The following LTBP3 variants were observed in gnomAD, a reference collection of about 807,000 sequenced individuals.
LTBP3 encodes the protein latent-transforming growth factor beta-binding protein 3.
Under a neutral mutation model 159.7 loss-of-function variants are expected in LTBP3, and 97 were observed. That is an observed-to-expected ratio of 0.61 (90% confidence interval 0.52 to 0.72). LTBP3 has a LOEUF of 0.72. LTBP3 is among the 30% of genes least tolerant of loss of function. LTBP3 has a pLI of 0.00. For synonymous variants in LTBP3, 824 were observed against 777.1 expected (o/e 1.06, Z -1.00); for missense variants, 1,584 against 1,864.3 (o/e 0.85, Z 2.77).
rs1469805537 is a variant in LTBP3, at chr11:65,548,203, C to G, written c.1721-158G>C. ...TCCTATTTCTCTCTTTTAGATAACC[C>G]CAATATCAAGACCCCAGAAAGCTCC... On this transcript the variant is annotated intron_variant, in intron 11 of 27. Coordinates refer to ENST00000301873, the MANE Select transcript of LTBP3 (RefSeq NM_001130144.3). 5.5e-6 allele frequency: 6 copies of G among 1,094,930 alleles called. No individual in the cohort carries two copies. In the East Asian group the frequency reaches 1.5e-4, roughly 28 times the overall value. The allele number at this position is 1,094,930 out of a possible 1,614,324, so 67.8% of individuals were successfully genotyped here.
Position 65,551,036 on chromosome 11 carries a change from G to A in LTBP3, c.1720+90C>T, listed in dbSNP as rs1002432357. 22 of 1,073,958 alleles carry A rather than the reference G, an allele frequency of 2.0e-5. No homozygotes were observed. The African/African-American group carries it at 2.7e-4, about 13-fold the overall frequency. 66.5% of individuals were successfully genotyped at this position (1,073,958 alleles called of 1,614,324 possible). On this transcript the variant is annotated intron_variant, in intron 11 of 27. Transcript: ENST00000301873. ...CCTGGATACACGCTAGCCTATTAGC[G>A]CTAGGGAATGCCTGGGGGCGGGAGG...
Position 65,553,333 on chromosome 11 carries a change from C to A in LTBP3, c.971-77G>T. 9.5e-7 allele frequency: 1 copy of A among 1,055,844 alleles called. No homozygotes were observed. The highest frequency in any genetic ancestry group is 1.3e-6 in the Non-Finnish European group (1 of 749,948). The allele number at this position is 1,055,844 out of a possible 1,614,324, so 65.4% of individuals were successfully genotyped here. A position where few individuals can be genotyped will look rare whatever the true frequency, so the allele number is the denominator to read the frequency against. ...GGGCACAGCAGATGTAGAGAGGAAT[C>A]TGGTGACCTGGGGACTCCCACTGCA... On this transcript the variant is annotated intron_variant, in intron 4 of 27. Coordinates refer to ENST00000301873, the MANE Select transcript of LTBP3 (RefSeq NM_001130144.3). The surrounding 1 kb of genome is among the most constrained non-coding windows in gnomAD (Gnocchi z 6.5).
chr11:65,555,358 C>T (rs371723021), intron 1 of LTBP3, among the ~76,000 whole-genome samples: 23 of 152,298 alleles, frequency 1.5e-4, no homozygotes, highest in African/African-American at 5.5e-4. Context: ...GCAAATGTGC[C>T]TGCCTCCTGC....
intron 21 of LTBP3, 74 bp from the exon 22 acceptor site, chr11:65,540,688 G>C (rs529692998): frequency 6.2e-7 from 1 of 1,603,348 alleles, no homozygotes; most frequent in Non-Finnish European, 8.5e-7. Context: ...CGCACCACCG[G>C]AGCGAAGCCA....
In LTBP3 at chr11:65,552,243, C is replaced by T; in HGVS notation, c.1345+5G>A. On this transcript the variant is annotated splice_donor_5th_base_variant and intron_variant, in intron 7 of 27. Coordinates refer to ENST00000301873, the MANE Select transcript of LTBP3 (RefSeq NM_001130144.3). The surrounding 1 kb of genome is among the most constrained non-coding windows in gnomAD (Gnocchi z 6.0). ...AACCCCTATCCCCGGGTAACCCTGA[C>T]TCACCGGTGCCATCTGTTGGGCAGC... is the stretch of plus-strand genomic sequence containing the variant. 1 of 1,614,176 alleles carries T rather than the reference C, an allele frequency of 6.2e-7. No homozygotes were observed. Among genetic ancestry groups the T allele is most frequent in the Non-Finnish European group, 8.5e-7 (1 of 1,180,010 alleles).
At chr11:65,543,005 T>TTGGATGGG (rs1856219448) in intron 18 of LTBP3, 100 bp downstream of exon 18, 1 of 1,477,446 alleles carries the variant, frequency 6.8e-7, no homozygotes, top group South Asian at 1.1e-5. Flanking sequence ...TGAAGGATGG[T>TTGGATGGG]TGGATGGGTG....
chr11:65,549,944 A>T (rs1318562080), intron 11 of LTBP3, among the ~76,000 whole-genome samples: 1 of 152,016 alleles, frequency 6.6e-6, no homozygotes, highest in Non-Finnish European at 1.5e-5. Flanking sequence ...ACAAATAAAA[A>T]GAAAGAAAGG....
At position 65,547,944 on chromosome 11, in the gene LTBP3, G is replaced by GT; in HGVS notation, c.1821dup (p.His608ThrfsTer183). On this transcript the variant is annotated frameshift_variant, in exon 12 of 28. Transcript: ENST00000301873. LOFTEE classifies it high-confidence loss of function. The surrounding 1 kb of genome is among the most constrained non-coding windows in gnomAD (Gnocchi z 4.6). ...CCCACGCAGTAGCGGTGCTGGGGAT[G>GT]TGACCGGTAGCCGGGGTTGCAGTGG... is the stretch of plus-strand genomic sequence containing the variant. 1 of 1,613,864 alleles carries GT rather than the reference G, an allele frequency of 6.2e-7. No individual in the cohort carries two copies. Among genetic ancestry groups the GT allele is most frequent in the Non-Finnish European group, 8.5e-7 (1 of 1,179,998 alleles).
Position 65,539,579 on chromosome 11 carries a change from T to G in LTBP3, c.3597A>C (p.Thr1199=), listed in dbSNP as rs1855968648. 7.4e-6 allele frequency: 12 copies of G among 1,612,728 alleles called. No individual in the cohort carries two copies. Among genetic ancestry groups the G allele is most frequent in the African/African-American group, 1.3e-5 (1 of 74,952 alleles). ...SQSESNSFWD[T]SPLLLGKPPR... ...GGGGCTTCCCCAACAGCAGGGGGCTTGTGTCCCAGAAGGAATTGCTCTCGC... is the reference window on the plus strand; with the variant it reads ...GGGGCTTCCCCAACAGCAGGGGGCTGGTGTCCCAGAAGGAATTGCTCTCGC... Residue 1199 remains threonine, a synonymous_variant, in exon 26 of 28, where the codon ACA becomes ACC. Coordinates refer to ENST00000301873, the MANE Select transcript of LTBP3 (RefSeq NM_001130144.3).
chr11:65,554,096 C>A lies in LTBP3; in HGVS notation c.616G>T (p.Ala206Ser), dbSNP rs747180627. Residue 206 changes from alanine (A) to serine (S), a missense_variant, in exon 2 of 28, where the codon GCA becomes TCA. Physicochemically the swap from Ala to Ser is moderately conservative, Grantham distance 99. Around this residue, in one of 6 missense-constraint regions of LTBP3, gnomAD observed 194 missense variants for 198.7 expected, o/e 0.98. Transcript: ENST00000301873. This position sits in a 1 kb window ranked among gnomAD's most constrained non-coding sequence, Gnocchi z 5.3. ...GGGCCTAGGGGCACCAGGAAGGCTG[C>A]GTGCTGGGCAGGAGGCCCCTCCCCG... ...GPGEGPPAQH[A>S]AFLVPLGPGQ... The A allele has an allele frequency of 1.2e-6, 2 of 1,609,014 alleles. No homozygotes were observed. The highest frequency in any genetic ancestry group is 8.5e-7 in the Non-Finnish European group (1 of 1,179,524).
Position 65,543,139 on chromosome 11 carries a change from C to T in LTBP3, c.2562G>A (p.Gln854=), listed in dbSNP as rs1482645263. Reference sequence around the variant, plus strand: ...TCCTGCCACCCACCAGCCGATGCCCCTGGGGGCAAAGACATCTGTAGGAGC... The same window carrying T: ...TCCTGCCACCCACCAGCCGATGCCCTTGGGGGCAAAGACATCTGTAGGAGC... ...TNGSYRCLCP[Q]GHRLVGGRKC... The change falls in exon 18 of 28, where the codon CAG becomes CAA. Residue 854 remains glutamine, a synonymous_variant. Coordinates refer to ENST00000301873, the MANE Select transcript of LTBP3 (RefSeq NM_001130144.3). 1.2e-6 allele frequency: 2 copies of T among 1,614,040 alleles called. No individual in the cohort carries two copies. The highest frequency in any genetic ancestry group is 2.7e-5 in the African/African-American group (2 of 74,920).
At chr11:65,541,360 C>T in intron 19 of LTBP3, 67 bp from the exon 20 acceptor site, 6 of 1,568,300 alleles carry the variant, frequency 3.8e-6, no homozygotes, top group Non-Finnish European at 5.2e-6. Context: ...CCTGCCCACC[C>T]ACCACAGGTC....
Position 65,548,030 on chromosome 11 carries a change from C to T in LTBP3, c.1736G>A (p.Arg579Gln), listed in dbSNP as rs138482133. ...GTGGCCACAGATGTTCTGGTTCAGTCGGCACTCATCAGTCTCTGCGGGCAT... is the reference window on the plus strand; with the variant it reads ...GTGGCCACAGATGTTCTGGTTCAGTTGGCACTCATCAGTCTCTGCGGGCAT... ...PTQVTETDEC[R>Q]LNQNICGHGE... The change falls in exon 12 of 28, where the codon CGA becomes CAA. Residue 579 changes from arginine (R) to glutamine (Q), a missense_variant. Arg to Gln is a conservative substitution (Grantham distance 43, BLOSUM62 1). This residue lies in a region of LTBP3 where 565 missense variants were observed against 677.7 expected (regional missense o/e 0.83). Coordinates refer to ENST00000301873, the MANE Select transcript of LTBP3 (RefSeq NM_001130144.3). The T allele has an allele frequency of 3.7e-6, 6 of 1,613,810 alleles. No homozygotes were observed. Among genetic ancestry groups the T allele is most frequent in the South Asian group, 2.2e-5 (2 of 91,036 alleles).
Position 65,538,784 on chromosome 11 carries a change from G to C in LTBP3, c.*296C>G, listed in dbSNP as rs1371198525. The C allele has an allele frequency of 1.2e-5, 10 of 819,080 alleles. No individual in the cohort carries two copies. In the Admixed American group the frequency reaches 2.3e-4, roughly 19 times the overall value. The allele number at this position is 819,080 out of a possible 1,614,324, so 50.7% of individuals were successfully genotyped here. A position where few individuals can be genotyped will look rare whatever the true frequency, so the allele number is the denominator to read the frequency against. ...CCCTGCGCAGCCCGCGCCCACGTCA[G>C]ACGTGAACATCAATTTGCTTCGAAA... On this transcript the variant is annotated 3_prime_UTR_variant, in exon 28 of 28. Transcript: ENST00000301873.
At chr11:65,541,801 C>G in intron 18 of LTBP3, 73 bp from the exon 19 acceptor site, 1 of 1,570,814 alleles carries the variant, frequency 6.4e-7, no homozygotes, top group Non-Finnish European at 8.7e-7. Flanking sequence ...GGGCCTCACA[C>G]AAGTTCAGAA....
chr11:65,546,436 G>A lies in LTBP3; in HGVS notation c.2353+6C>T, dbSNP rs757977138. ...GGAGGCCCGGGGCGGGGGTGCTGGC[G>A]CTCACCCAAGCAACTGCGGCCGTCG... On this transcript the variant is annotated splice_donor_region_variant and intron_variant, in intron 16 of 27. Coordinates refer to ENST00000301873, the MANE Select transcript of LTBP3 (RefSeq NM_001130144.3). This position sits in a 1 kb window ranked among gnomAD's most constrained non-coding sequence, Gnocchi z 4.0. 6.5e-7 allele frequency: 1 copy of A among 1,549,238 alleles called. No individual in the cohort carries two copies. Among genetic ancestry groups the A allele is most frequent in the Non-Finnish European group, 8.7e-7 (1 of 1,154,194 alleles).
intron 8 of LTBP3, 166 bp downstream of exon 8, chr11:65,551,806 T>G: frequency 1.0e-6 from 1 of 966,544 alleles, no homozygotes; most frequent in Non-Finnish European, 1.6e-6. Context: ...TAGCTCAGGG[T>G]CAAATATCTG....
At position 65,553,919 on chromosome 11, in the gene LTBP3, G is replaced by T. The variant is rs769515140; in HGVS notation, c.662-16C>A. On this transcript the variant is annotated splice_polypyrimidine_tract_variant and intron_variant, in intron 2 of 27. Transcript: ENST00000301873. The surrounding 1 kb of genome is among the most constrained non-coding windows in gnomAD (Gnocchi z 6.5). ...GGGGCCTGCACTGGGGGCGGGCGCG[G>T]TGGCCTCAGGGCTGCCCGCACCGCG... 1 of 1,518,874 alleles carries T rather than the reference G, an allele frequency of 6.6e-7. No individual in the cohort carries two copies. The highest frequency in any genetic ancestry group is 8.8e-7 in the Non-Finnish European group (1 of 1,132,584). 94.1% of individuals were successfully genotyped at this position (1,518,874 alleles called of 1,614,324 possible).
chr11:65,558,320 G>C lies in LTBP3; in HGVS notation c.-361C>G, dbSNP rs1263676055. On this transcript the variant is annotated 5_prime_UTR_variant, in exon 1 of 28. Coordinates refer to ENST00000301873, the MANE Select transcript of LTBP3 (RefSeq NM_001130144.3). ...GGCCGGGCTCCTCTCCCGCGGCCGC[G>C]GGGAGGCAGGGAGCGCGCGGGGAGG... 1.2e-5 allele frequency: 6 copies of C among 489,556 alleles called. No homozygotes were observed. Among genetic ancestry groups the C allele is most frequent in the Non-Finnish European group, 1.7e-5 (6 of 360,658 alleles). The allele number at this position is 489,556 out of a possible 1,614,324, so 30.3% of individuals were successfully genotyped here. A position where few individuals can be genotyped will look rare whatever the true frequency, so the allele number is the denominator to read the frequency against.
Sources: gnomAD v4.1 joint callset for allele counts (sites outside exome capture counted in the v4.1 genomes callset) on GRCh38, gnomAD v4.1.1 for gene constraint, gnomAD v4.1.1 regional missense constraint, Gnocchi (gnomAD v3.1) non-coding constraint, MANE v1.5 for transcripts, NCBI Gene and HGNC (gene_info 2026-07-23, HGNC 2026-07-21) for gene names.